Variants in TTLL7 observed in about 807,000 individuals in gnomAD.
TTLL7 encodes tubulin polyglutamylase TTLL7.
In TTLL7, 53 loss-of-function variants were observed where a neutral mutation model predicts 120.2. That is an observed-to-expected ratio of 0.44 (90% confidence interval 0.35 to 0.55). The LOEUF is 0.55. Among genes scored for constraint, TTLL7 ranks in the 20% least tolerant of loss-of-function variants. TTLL7 has a pLI of 0.00. For synonymous variants in TTLL7, 353 were observed against 351.7 expected, an observed-to-expected ratio of 1.00 and a Z score of -0.04; for missense variants, 803 against 1,054.7, an observed-to-expected ratio of 0.76 and a Z score of 3.31.
chr1:83,963,936 A>G (rs1463467334), intron 1 of TTLL7, among the ~76,000 whole-genome samples: 1 of 152,144 alleles, frequency 6.6e-6, no homozygotes, highest in Non-Finnish European at 1.5e-5. Context: ...TATGGAAAAA[A>G]GCAAATGTAC....
At chr1:83,913,875 G>A (rs2100777567) in intron 14 of TTLL7, among the ~76,000 whole-genome samples, 1 of 152,246 alleles carries the variant, frequency 6.6e-6, no homozygotes, top group East Asian at 1.9e-4. Context: ...ACAATATAAA[G>A]CTGTCTCAAG....
chr1:83,930,172 C>T (rs1557667629), intron 9 of TTLL7, among the ~76,000 whole-genome samples: 1 of 151,982 alleles, frequency 6.6e-6, no homozygotes, highest in Non-Finnish European at 1.5e-5. Context: ...TCGTGTTAAC[C>T]GTTTGGTAGA....
intron 7 of TTLL7, among the ~76,000 whole-genome samples, chr1:83,938,287 G>A (rs542942133): frequency 1.3e-5 from 2 of 152,046 alleles, no homozygotes; most frequent in Non-Finnish European, 2.9e-5. Context: ...TAAGAATATA[G>A]AGTAATTAAA....
intron 14 of TTLL7, among the ~76,000 whole-genome samples, chr1:83,915,453 A>C (rs1245627014): frequency 6.6e-6 from 1 of 152,212 alleles, no homozygotes; most frequent in African/African-American, 2.4e-5. Context: ...AGAAAGCTGA[A>C]ACTGGACCCC....
At chr1:83,992,841 C>CA (rs1344084127) in intron 1 of TTLL7, among the ~76,000 whole-genome samples, 9 of 133,942 alleles carry the variant, frequency 6.7e-5, no homozygotes, top group Admixed American at 3.2e-4. Context: ...CTTTTCTCTC[C>CA]AAAAAACAAC....
At chr1:83,911,755 A>C (rs1657693152) in intron 14 of TTLL7, among the ~76,000 whole-genome samples, 1 of 149,168 alleles carries the variant, frequency 6.7e-6, no homozygotes, top group African/African-American at 2.4e-5. Context: ...CCTTTGTCTT[A>C]TCATTAACGT....
chr1:83,993,356 A>G (rs908693886), intron 1 of TTLL7, among the ~76,000 whole-genome samples: 2 of 152,170 alleles, frequency 1.3e-5, no homozygotes, highest in African/African-American at 4.8e-5. Context: ...CTACATATAC[A>G]CTAATGGAAG....
At chr1:83,991,927 A>AGT (rs1653039862) in intron 1 of TTLL7, among the ~76,000 whole-genome samples, 4 of 152,166 alleles carry the variant, frequency 2.6e-5, no homozygotes, top group Admixed American at 1.3e-4. Context: ...AGGTTCTAAA[A>AGT]ACAAAATTCA....
At chr1:83,914,089 A>G (rs1657896733) in intron 14 of TTLL7, among the ~76,000 whole-genome samples, 1 of 152,206 alleles carries the variant, frequency 6.6e-6, no homozygotes, top group Non-Finnish European at 1.5e-5. Flanking sequence ...CATATTCTAC[A>G]ATGCCTCAAT....
At chr1:83,993,079 GCTAA>G (rs1316034879) in intron 1 of TTLL7, among the ~76,000 whole-genome samples, 1 of 152,068 alleles carries the variant, frequency 6.6e-6, no homozygotes, top group African/African-American at 2.4e-5. Context: ...ACCCAAAGAT[GCTAA>G]CTTTTTCTAC....
chr1:83,975,881 G>C (rs1216649573), intron 1 of TTLL7, among the ~76,000 whole-genome samples: 1 of 151,930 alleles, frequency 6.6e-6, no homozygotes, highest in Non-Finnish European at 1.5e-5. Flanking sequence ...ATAACCTCTA[G>C]AGGATCATGA....
rs986446112 is a variant in TTLL7, at chr1:83,978,866, C to T, written c.-177+20065G>A. Among the ~76,000 whole-genome samples, 4 of 152,006 alleles carry T rather than the reference C, an allele frequency of 2.6e-5. No homozygotes were observed. The East Asian group carries it at 7.7e-4, about 29-fold the overall frequency. On this transcript the variant is annotated intron_variant, in intron 1 of 20. Transcript: ENST00000260505. Reference sequence around the variant, plus strand: ...TTACAATTTCAAAATAGTTATGGAGCGTGAGATAAATAAACTTGACTCTGA... The same window carrying T: ...TTACAATTTCAAAATAGTTATGGAGTGTGAGATAAATAAACTTGACTCTGA...
At chr1:83,989,529 A>G (rs1215762536) in intron 1 of TTLL7, among the ~76,000 whole-genome samples, 1 of 152,146 alleles carries the variant, frequency 6.6e-6, no homozygotes. Flanking sequence ...CTGTTTTTGT[A>G]CCAGTACTAT....
rs772458993 is a variant in TTLL7, at chr1:83,932,564, C to CGT, written c.1047+1043_1047+1044insAC. On this transcript the variant is annotated intron_variant, in intron 9 of 20. Coordinates refer to ENST00000260505, the MANE Select transcript of TTLL7 (RefSeq NM_024686.6). ...TAAAGTAGATGTGACCACACATAGGCGCGCGCACACACACACACACACACA... is the reference window on the plus strand; with the variant it reads ...TAAAGTAGATGTGACCACACATAGGCGTGCGCGCACACACACACACACACACA... Among the ~76,000 whole-genome samples the CGT allele has an allele frequency of 1.8e-4, 22 of 122,530 alleles. No homozygotes were observed. In the South Asian group the frequency reaches 2.7e-3, roughly 15 times the overall value. 80.4% of individuals were successfully genotyped at this position (122,530 alleles called of 152,430 possible).
chr1:83,973,940 G>A (rs1346670206), intron 1 of TTLL7, among the ~76,000 whole-genome samples: 1 of 151,954 alleles, frequency 6.6e-6, no homozygotes. Flanking sequence ...TCTCTATCTT[G>A]ACCAGGGTTA....
intron 19 of TTLL7, among the ~76,000 whole-genome samples, chr1:83,888,957 A>G (rs1450027822): frequency 6.6e-6 from 1 of 152,052 alleles, no homozygotes; most frequent in African/African-American, 2.4e-5. Context: ...CTTACCAAAA[A>G]AAGGCTCTCT....
rs114351250 is a variant in TTLL7 at position 83,898,890 on chromosome 1, A to G, written c.2208+5189T>C. ...CTAATGCTACTTACTAAGTAGAAAA[A>G]ATTTTTTTTAAAAAATCCCAATGAG... On this transcript the variant is annotated intron_variant, in intron 18 of 20. Coordinates refer to ENST00000260505, the MANE Select transcript of TTLL7 (RefSeq NM_024686.6). Among the ~76,000 whole-genome samples the G allele has an allele frequency of 5.9e-3, 901 of 151,918 alleles. 8 individuals carry two copies. The highest frequency in any genetic ancestry group is 0.021 in the African/African-American group (853 of 41,478).
chr1:83,950,128 C>T, intron 3 of TTLL7, 142 bp from the exon 4 acceptor site: 2 of 775,864 alleles, frequency 2.6e-6, no homozygotes, highest in Non-Finnish European at 3.9e-6. Context: ...TTTTTAGTTA[C>T]AACAGTTTTA....
At chr1:83,987,536 T>C (rs1652588078) in intron 1 of TTLL7, among the ~76,000 whole-genome samples, 1 of 152,130 alleles carries the variant, frequency 6.6e-6, no homozygotes, top group Non-Finnish European at 1.5e-5. Flanking sequence ...AATTATGGCA[T>C]GTATCATCAT....
Sources: gnomAD v4.1 joint callset for allele counts (sites outside exome capture counted in the v4.1 genomes callset) on GRCh38, gnomAD v4.1.1 for gene constraint, MANE v1.5 for transcripts, NCBI Gene and HGNC (gene_info 2026-07-23, HGNC 2026-07-21) for gene names.